PPP1R14C: variants seen among roughly 807,000 people sequenced by gnomAD.
PPP1R14C encodes protein phosphatase 1 regulatory inhibitor subunit 14C, also known as protein phosphatase 1 regulatory subunit 14C.
In PPP1R14C, 16 loss-of-function variants were observed where a neutral mutation model predicts 20.4. The ratio of observed to expected loss-of-function variants is 0.78; its 90% CI spans 0.53 to 1.19. PPP1R14C has a LOEUF of 1.19. Ranked by LOEUF, PPP1R14C falls within the 50% of genes most tolerant of loss-of-function variation. PPP1R14C has a pLI of 0.00. For missense variants in PPP1R14C, 211 were observed against 220.1 expected (o/e 0.96, Z 0.26); for synonymous variants, 91 against 91.0 (o/e 1.00, Z 0.00).
chr6:150,223,596 A>G (rs1302707199), intron 3 of PPP1R14C, among the ~76,000 whole-genome samples: 1 of 152,198 alleles, frequency 6.6e-6, no homozygotes, highest in Non-Finnish European at 1.5e-5. Context: ...CTGGTGACGT[A>G]TGATTTGGAG....
At chr6:150,189,247 C>T (rs1208935742) in intron 1 of PPP1R14C, among the ~76,000 whole-genome samples, 2 of 152,122 alleles carry the variant, frequency 1.3e-5, no homozygotes, top group Non-Finnish European at 2.9e-5. Flanking sequence ...GAGATCAATC[C>T]GTGAGGGTCT....
chr6:150,153,980 C>T (rs78864643), intron 1 of PPP1R14C, among the ~76,000 whole-genome samples: 2,532 of 152,202 alleles, frequency 0.017, 73 homozygotes, highest in African/African-American at 0.054. Context: ...AGTAAAGGAA[C>T]GAACACTTCA....
intron 3 of PPP1R14C, among the ~76,000 whole-genome samples, chr6:150,230,404 T>C (rs1397786671): frequency 1.3e-5 from 2 of 152,284 alleles, no homozygotes; most frequent in East Asian, 1.9e-4. Context: ...AATGTGCACC[T>C]TGAAGGAAGT....
intron 3 of PPP1R14C, among the ~76,000 whole-genome samples, chr6:150,248,289 T>A (rs999965258): frequency 7.9e-5 from 12 of 152,148 alleles, no homozygotes; most frequent in African/African-American, 2.9e-4. Flanking sequence ...ACACTCAAAT[T>A]TGAGGCACAC....
At chr6:150,220,078 C>T (rs532124035) in intron 3 of PPP1R14C, among the ~76,000 whole-genome samples, 2 of 152,148 alleles carry the variant, frequency 1.3e-5, no homozygotes, top group Non-Finnish European at 2.9e-5. Flanking sequence ...TGGTCTGAAA[C>T]TTCTGGTTTC....
chr6:150,209,774 T>C (rs912924540), intron 1 of PPP1R14C, among the ~76,000 whole-genome samples: 6 of 151,654 alleles, frequency 4.0e-5, no homozygotes, highest in Admixed American at 2.6e-4. Flanking sequence ...TATATTTGTG[T>C]GTGCATGCAT....
At position 150,201,843 on chromosome 6, in the gene PPP1R14C, A is replaced by C. The variant is rs1192634368; in HGVS notation, c.307-12901A>C. ...ACGGTAAGCCATAGAATTGACAGTT[A>C]TGGTGATGGATTGGATGGTGGCGAC... On this transcript the variant is annotated intron_variant, in intron 1 of 3. Transcript: ENST00000361131. The surrounding 1 kb of genome is among the most constrained non-coding windows in gnomAD (Gnocchi z 4.2). 6.6e-6 allele frequency among the ~76,000 whole-genome samples: 1 copy of C among 152,156 alleles called. No homozygotes were observed. Among genetic ancestry groups the C allele is most frequent in the African/African-American group, 2.4e-5 (1 of 41,426 alleles).
At chr6:150,227,522 A>C (rs568374271) in intron 3 of PPP1R14C, among the ~76,000 whole-genome samples, 2 of 152,372 alleles carry the variant, frequency 1.3e-5, no homozygotes, top group Admixed American at 6.5e-5. Context: ...TAGAGGAAGC[A>C]GTCACATTAT....
At position 150,215,877 on chromosome 6, in the gene PPP1R14C, G is replaced by A. The variant is rs560179428; in HGVS notation, c.391-947G>A. On this transcript the variant is annotated intron_variant, in intron 2 of 3. Coordinates refer to ENST00000361131, the MANE Select transcript of PPP1R14C (RefSeq NM_030949.3). ...CCCTTGCTTCCTGAGTGCAGTGTGG[G>A]TGCCACCATCTTGCACAGGCTGGCT... 2.0e-5 allele frequency among the ~76,000 whole-genome samples: 3 copies of A among 152,290 alleles called. No individual in the cohort carries two copies. In the South Asian group the frequency reaches 6.2e-4, roughly 32 times the overall value.
chr6:150,248,737 C>A lies in PPP1R14C; in HGVS notation c.424-9C>A. 6.3e-7 allele frequency: 1 copy of A among 1,595,320 alleles called. No homozygotes were observed. On this transcript the variant is annotated splice_polypyrimidine_tract_variant and intron_variant, in intron 3 of 3. Coordinates refer to ENST00000361131, the MANE Select transcript of PPP1R14C (RefSeq NM_030949.3). The stretch of plus-strand genomic sequence containing the variant: ...GACCCTCATATTAACTTCTTCTGAT[C>A]TCTTTTAGGAATTTATCAAAGAGCT...
chr6:150,192,667 A>G lies in PPP1R14C; in HGVS notation c.307-22077A>G, dbSNP rs114497132. 7.4e-3 allele frequency among the ~76,000 whole-genome samples: 1,133 copies of G among 152,228 alleles called. 12 individuals are homozygous for G. Among genetic ancestry groups the G allele is most frequent in the African/African-American group, 0.026 (1,086 of 41,518 alleles). On this transcript the variant is annotated intron_variant, in intron 1 of 3. Coordinates refer to ENST00000361131, the MANE Select transcript of PPP1R14C (RefSeq NM_030949.3). ...CCCCAAATCTCAGTAGCTTAACACA[A>G]TATGTGTTATTATATTTCATGGTTC...
intron 1 of PPP1R14C, among the ~76,000 whole-genome samples, chr6:150,156,989 C>G (rs1291447128): frequency 6.6e-6 from 1 of 152,192 alleles, no homozygotes; most frequent in Admixed American, 6.5e-5. Context: ...TGCCTTAAAC[C>G]TTGGGAACAT....
intron 1 of PPP1R14C, among the ~76,000 whole-genome samples, chr6:150,162,891 G>A (rs1443393278): frequency 6.6e-6 from 1 of 152,180 alleles, no homozygotes; most frequent in Non-Finnish European, 1.5e-5. Flanking sequence ...GTGGGGCCAG[G>A]AAGGGCTTCT....
intron 3 of PPP1R14C, among the ~76,000 whole-genome samples, chr6:150,218,483 CCCA>C (rs1277153474): frequency 8.4e-5 from 10 of 118,688 alleles, no homozygotes; most frequent in Non-Finnish European, 1.2e-4. Flanking sequence ...AACCCCCCCC[CCCA>C]AAAAAAAATT....
At position 150,235,147 on chromosome 6, in the gene PPP1R14C, G is replaced by C. The variant is rs80304818; in HGVS notation, c.424-13599G>C. Among the ~76,000 whole-genome samples, 1,260 of 152,334 alleles carry C rather than the reference G, an allele frequency of 8.3e-3. 23 individuals carry two copies. Among genetic ancestry groups the C allele is most frequent in the African/African-American group, 0.029 (1,208 of 41,570 alleles). On this transcript the variant is annotated intron_variant, in intron 3 of 3. Transcript: ENST00000361131. ...TTGTTGTCCATGCTGGAGTGCAGGAGCACGATCATAGCTCACTGCAGCCTC... is the reference window on the plus strand; with the variant it reads ...TTGTTGTCCATGCTGGAGTGCAGGACCACGATCATAGCTCACTGCAGCCTC...
chr6:150,240,429 C>G (rs557500539), intron 3 of PPP1R14C, among the ~76,000 whole-genome samples: 59 of 152,326 alleles, frequency 3.9e-4, no homozygotes, highest in African/African-American at 1.3e-3. Context: ...TGGGAGTGGG[C>G]TGGAGCAAGT....
At chr6:150,144,808 T>TA in intron 1 of PPP1R14C, among the ~76,000 whole-genome samples, 1 of 152,358 alleles carries the variant, frequency 6.6e-6, no homozygotes, top group East Asian at 1.9e-4. Context: ...GTCCAGCTCT[T>TA]ACAAAAAGCT....
intron 3 of PPP1R14C, among the ~76,000 whole-genome samples, chr6:150,229,826 G>A (rs955481440): frequency 8.5e-5 from 13 of 152,062 alleles, no homozygotes; most frequent in African/African-American, 3.1e-4. Context: ...ATCAGTTCTG[G>A]TGCGCCATGC....
At position 150,217,832 on chromosome 6, in the gene PPP1R14C, G is replaced by GA. The variant is rs1447436305; in HGVS notation, c.423+978dup. Reference sequence around the variant, plus strand: ...AATGGTGATAAGACTTCTGATTTTTGAAGAGGTCTAATTAAAAGGGGGGAG... The same window carrying GA: ...AATGGTGATAAGACTTCTGATTTTTGAAAGAGGTCTAATTAAAAGGGGGGAG... On this transcript the variant is annotated intron_variant, in intron 3 of 3. Coordinates refer to ENST00000361131, the MANE Select transcript of PPP1R14C (RefSeq NM_030949.3). Among the ~76,000 whole-genome samples, 3 of 152,188 alleles carry GA rather than the reference G, an allele frequency of 2.0e-5. 1 individual carries two copies. The highest frequency in any genetic ancestry group is 2.9e-5 in the Non-Finnish European group (2 of 68,026).
Sources: allele counts gnomAD v4.1 joint callset (sites outside exome capture counted in the v4.1 genomes callset), GRCh38; gene constraint gnomAD v4.1.1; non-coding constraint Gnocchi (gnomAD v3.1); transcripts MANE v1.5; gene names NCBI Gene and HGNC (gene_info 2026-07-23, HGNC 2026-07-21).